DLGAP1: variants seen among roughly 807,000 people sequenced by gnomAD.
The protein encoded by DLGAP1 is disks large-associated protein 1.
Under a neutral mutation model 90.8 loss-of-function variants are expected in DLGAP1, and 11 were observed. The ratio of observed to expected loss-of-function variants is 0.12; its 90% CI spans 0.08 to 0.20. The LOEUF (loss-of-function observed/expected upper bound fraction) is 0.20, where lower values mean the gene tolerates loss of function less well. Among genes scored for constraint, DLGAP1 ranks in the 10% least tolerant of loss-of-function variants. The probability of loss-of-function intolerance (pLI) is 1.00; values close to 1 mark genes in which losing one functional copy is unlikely to be tolerated. For synonymous variants in DLGAP1, 558 were observed against 540.7 expected (o/e 1.03, Z -0.44); for missense variants, 1,050 against 1,333.8 (o/e 0.79, Z 3.31).
chr18:3,781,138 T>A (rs182669942), intron 5 of DLGAP1, among the ~76,000 whole-genome samples: 1 of 152,272 alleles, frequency 6.6e-6, no homozygotes, highest in East Asian at 1.9e-4. Context: ...CAATGTTTAT[T>A]TTTAAATATG....
chr18:4,060,411 C>T (rs961731651), intron 2 of DLGAP1, among the ~76,000 whole-genome samples: 1 of 152,260 alleles, frequency 6.6e-6, no homozygotes, highest in East Asian at 1.9e-4. Flanking sequence ...TATTTACCAA[C>T]CTCTGAATTC....
intron 7 of DLGAP1, among the ~76,000 whole-genome samples, chr18:3,708,032 G>T (rs1410272563): frequency 6.6e-6 from 1 of 150,656 alleles, no homozygotes; most frequent in Non-Finnish European, 1.5e-5. Context: ...TTGAGACAGG[G>T]TCTCACTCTG....
At chr18:3,902,527 T>C (rs944790418) in intron 3 of DLGAP1, among the ~76,000 whole-genome samples, 1 of 152,172 alleles carries the variant, frequency 6.6e-6, no homozygotes, top group Non-Finnish European at 1.5e-5. Flanking sequence ...CTCTCTTCTT[T>C]CAATTTCTAT....
chr18:3,791,164 G>T (rs2065714052), intron 5 of DLGAP1, among the ~76,000 whole-genome samples: 1 of 152,112 alleles, frequency 6.6e-6, no homozygotes, highest in South Asian at 2.1e-4. Flanking sequence ...AGCTCCTCAG[G>T]ATATGAAAAA....
At chr18:3,543,417 G>A (rs906285414) in intron 9 of DLGAP1, among the ~76,000 whole-genome samples, 10 of 151,814 alleles carry the variant, frequency 6.6e-5, no homozygotes, top group Non-Finnish European at 1.3e-4. Context: ...CACCCACCTC[G>A]GCCTCCCAAA....
At position 3,753,594 on chromosome 18, in the gene DLGAP1, G is replaced by C. The variant is rs571995462; in HGVS notation, c.1173-11082C>G. Among the ~76,000 whole-genome samples, 10 of 152,278 alleles carry C rather than the reference G, an allele frequency of 6.6e-5. No homozygotes were observed. In the South Asian group the frequency reaches 1.7e-3, roughly 25 times the overall value. On this transcript the variant is annotated intron_variant, in intron 5 of 12. Coordinates refer to ENST00000315677, the MANE Select transcript of DLGAP1 (RefSeq NM_004746.4). The stretch of plus-strand genomic sequence containing the variant: ...TAGAAGACTTTATGCATGTTACAGG[G>C]ATGTGTGCATGCTGAGGAAAGACCT...
At chr18:3,926,534 A>G (rs1243074994) in intron 3 of DLGAP1, among the ~76,000 whole-genome samples, 3 of 151,998 alleles carry the variant, frequency 2.0e-5, no homozygotes, top group African/African-American at 7.2e-5. Flanking sequence ...ATATATACAT[A>G]CATGCAGACA....
chr18:3,599,022 C>T (rs1267036464), intron 7 of DLGAP1, among the ~76,000 whole-genome samples: 1 of 152,056 alleles, frequency 6.6e-6, no homozygotes, highest in African/African-American at 2.4e-5. Context: ...GATCTGCCCC[C>T]TTCAGCCTCC....
chr18:4,207,972 AT>A (rs1324694772), intron 1 of DLGAP1, among the ~76,000 whole-genome samples: 5 of 152,226 alleles, frequency 3.3e-5, no homozygotes, highest in Non-Finnish European at 7.3e-5. Flanking sequence ...CTTCTTCTAA[AT>A]GATACCAGGT....
At chr18:3,719,370 G>C (rs1283610596) in intron 7 of DLGAP1, among the ~76,000 whole-genome samples, 1 of 150,988 alleles carries the variant, frequency 6.6e-6, no homozygotes, top group Non-Finnish European at 1.5e-5. Flanking sequence ...ATCAAGACCT[G>C]ATACAGCAAA....
intron 7 of DLGAP1, among the ~76,000 whole-genome samples, chr18:3,585,516 T>C (rs1246322353): frequency 6.6e-6 from 1 of 152,244 alleles, no homozygotes; most frequent in Non-Finnish European, 1.5e-5. Flanking sequence ...CAAAATGGAT[T>C]CTCAGGACAT....
chr18:3,747,476 A>C (rs2063319633), intron 5 of DLGAP1, among the ~76,000 whole-genome samples: 1 of 152,222 alleles, frequency 6.6e-6, no homozygotes, highest in Admixed American at 6.5e-5. Flanking sequence ...GAACTTGCGC[A>C]TTAGATGACA....
chr18:3,795,728 C>T (rs879752474), intron 5 of DLGAP1, among the ~76,000 whole-genome samples: 3 of 152,148 alleles, frequency 2.0e-5, no homozygotes, highest in African/African-American at 7.2e-5. Flanking sequence ...ATGCGATCCT[C>T]CCACCTCAGC....
chr18:4,273,120 C>A (rs908164267), intron 1 of DLGAP1, among the ~76,000 whole-genome samples: 3 of 152,156 alleles, frequency 2.0e-5, no homozygotes, highest in African/African-American at 7.2e-5. Flanking sequence ...CCTCTCCACA[C>A]CCTATTTGTG....
chr18:3,617,777 G>C lies in DLGAP1; in HGVS notation c.1592-35529C>G, dbSNP rs145567459. Reference sequence around the variant, plus strand: ...TTGCCGGGCATGGTGGCTCACTCCTGTAATCCCAGCACTTTGGGAGGCCAA... The same window carrying C: ...TTGCCGGGCATGGTGGCTCACTCCTCTAATCCCAGCACTTTGGGAGGCCAA... On this transcript the variant is annotated intron_variant, in intron 7 of 12. Coordinates refer to ENST00000315677, the MANE Select transcript of DLGAP1 (RefSeq NM_004746.4). 7.7e-4 allele frequency among the ~76,000 whole-genome samples: 117 copies of C among 152,124 alleles called. 2 individuals carry two copies. In the East Asian group the frequency reaches 0.02, roughly 26 times the overall value.
rs78584877 is a variant in DLGAP1 at position 4,230,938 on chromosome 18, A to T, written c.-266-79651T>A. On this transcript the variant is annotated intron_variant, in intron 1 of 12. Transcript: ENST00000315677. ...AAATTAAAAATAAATAATTTGAAAT[A>T]AAACAAACAAACAAAAAACCTAAAA... is the stretch of plus-strand genomic sequence containing the variant. 1.2e-3 allele frequency among the ~76,000 whole-genome samples: 189 copies of T among 152,018 alleles called. 2 individuals are homozygous for T. In the East Asian group the frequency reaches 0.031, roughly 25 times the overall value.
intron 1 of DLGAP1, among the ~76,000 whole-genome samples, chr18:4,252,402 G>T (rs1189792511): frequency 6.6e-6 from 1 of 152,196 alleles, no homozygotes; most frequent in African/African-American, 2.4e-5. Flanking sequence ...ACCTCTTTAA[G>T]TATTGATGGG....
intron 3 of DLGAP1, among the ~76,000 whole-genome samples, chr18:3,881,404 C>T (rs1240571837): frequency 6.6e-6 from 1 of 152,164 alleles, no homozygotes; most frequent in Non-Finnish European, 1.5e-5. Flanking sequence ...TGCTGGCTCT[C>T]CTAGCAGAGA....
At chr18:3,830,638 G>T (rs914158244) in intron 4 of DLGAP1, among the ~76,000 whole-genome samples, 2 of 152,180 alleles carry the variant, frequency 1.3e-5, no homozygotes, top group Non-Finnish European at 2.9e-5. Flanking sequence ...GAAAGACAAA[G>T]AATTCCATAA....
Sources: allele counts gnomAD v4.1 joint callset (sites outside exome capture counted in the v4.1 genomes callset), GRCh38; gene constraint gnomAD v4.1.1; transcripts MANE v1.5; gene names NCBI Gene and HGNC (gene_info 2026-07-23, HGNC 2026-07-21).